DLGAP1: variants seen among roughly 807,000 people sequenced by gnomAD.
DLGAP1 encodes DLG associated protein 1, also known as disks large-associated protein 1.
Under a neutral mutation model 90.8 loss-of-function variants are expected in DLGAP1, and 11 were observed. The ratio of observed to expected loss-of-function variants is 0.12; its 90% confidence interval spans 0.08 to 0.20. The LOEUF (loss-of-function observed/expected upper bound fraction) is 0.20, where lower values mean the gene tolerates loss of function less well. Ranked by LOEUF, DLGAP1 falls within the 10% of genes least tolerant of loss-of-function variation. The pLI is 1.00. For missense variants in DLGAP1, 1,050 were observed against 1,333.8 expected (o/e 0.79, Z 3.31); for synonymous variants, 558 against 540.7 (o/e 1.03, Z -0.44).
At chr18:3,604,285 T>C (rs989324180) in intron 7 of DLGAP1, 1 of 152,268 alleles carries the variant, frequency 6.6e-6, no homozygotes, top group Non-Finnish European at 1.5e-5. Context: ...AGTGGAGTCT[T>C]GTGCCTAAGT....
intron 1 of DLGAP1, among the ~76,000 whole-genome samples, chr18:4,330,162 C>T (rs917594787): frequency 6.6e-6 from 1 of 151,980 alleles, no homozygotes; most frequent in African/African-American, 2.4e-5. Context: ...CTTAAAGATG[C>T]TCACTCATCT....
chr18:3,547,200 C>G (rs9944670), intron 9 of DLGAP1, among the ~76,000 whole-genome samples: 16,218 of 149,440 alleles, frequency 0.11, 1,130 homozygotes, highest in African/African-American at 0.2. Context: ...ACTCGGGAGG[C>G]TGAGGCAGGA....
chr18:3,879,421 G>A lies in DLGAP1; in HGVS notation c.648C>T (p.His216=). The A allele has an allele frequency of 6.2e-7, 1 of 1,610,498 alleles. No homozygotes were observed. The highest frequency in any genetic ancestry group is 8.5e-7 in the Non-Finnish European group (1 of 1,179,968). Residue 216 remains histidine, a synonymous_variant, in exon 4 of 13, where the codon CAC becomes CAT. Transcript: ENST00000315677. The surrounding 1 kb of genome is among the most constrained non-coding windows in gnomAD (Gnocchi z 6.6). ...DNLDGDMCIY[H]APSGVMTMGR... ...CCATGGTCATCACGCCCGAGGGGGC[G>A]TGGTAGATGCACATGTCACCATCCA...
chr18:3,652,440 A>G (rs2059348447), intron 7 of DLGAP1, among the ~76,000 whole-genome samples: 2 of 152,146 alleles, frequency 1.3e-5, no homozygotes, highest in Non-Finnish European at 2.9e-5. Context: ...TGGTCCTGCC[A>G]CTTCAGACTC....
chr18:3,523,667 G>C (rs1327121504), intron 10 of DLGAP1, among the ~76,000 whole-genome samples: 2 of 152,016 alleles, frequency 1.3e-5, no homozygotes, highest in African/African-American at 4.8e-5. Flanking sequence ...CTAACACGGT[G>C]AAACCCCGTC....
At chr18:4,120,001 G>A (rs2076127433) in intron 2 of DLGAP1, among the ~76,000 whole-genome samples, 1 of 152,176 alleles carries the variant, frequency 6.6e-6, no homozygotes, top group South Asian at 2.1e-4. Context: ...CCTTTTAACA[G>A]CAGAGGGGGC....
At chr18:4,260,909 T>C (rs898693489) in intron 1 of DLGAP1, among the ~76,000 whole-genome samples, 12 of 152,194 alleles carry the variant, frequency 7.9e-5, no homozygotes, top group African/African-American at 2.9e-4. Context: ...AAGTAGGACA[T>C]CTCACAAAAC....
At chr18:3,883,112 C>T (rs1376363416) in intron 3 of DLGAP1, among the ~76,000 whole-genome samples, 2 of 152,092 alleles carry the variant, frequency 1.3e-5, no homozygotes, top group Non-Finnish European at 2.9e-5. Flanking sequence ...GGCATGGTGG[C>T]GGGAGCCTGT....
At chr18:3,796,061 T>C (rs2065976467) in intron 5 of DLGAP1, among the ~76,000 whole-genome samples, 1 of 152,176 alleles carries the variant, frequency 6.6e-6, no homozygotes, top group Non-Finnish European at 1.5e-5. Flanking sequence ...TGCCAATTAG[T>C]AGCCAGGTTT....
chr18:3,768,301 T>C (rs2064351410), intron 5 of DLGAP1, among the ~76,000 whole-genome samples: 1 of 152,132 alleles, frequency 6.6e-6, no homozygotes, highest in Non-Finnish European at 1.5e-5. Flanking sequence ...AAATCAAAGA[T>C]GATTTTAATA....
intron 2 of DLGAP1, among the ~76,000 whole-genome samples, chr18:4,132,721 C>T (rs999496455): frequency 6.6e-6 from 1 of 152,060 alleles, no homozygotes; most frequent in African/African-American, 2.4e-5. Context: ...TCTAAAGTAT[C>T]GTATTCAAAA....
chr18:4,358,203 GCAAA>G (rs1369361059), intron 1 of DLGAP1, among the ~76,000 whole-genome samples: 2 of 152,140 alleles, frequency 1.3e-5, no homozygotes, highest in Admixed American at 1.3e-4. Flanking sequence ...TAATATACAT[GCAAA>G]CAAACAGATA....
intron 3 of DLGAP1, among the ~76,000 whole-genome samples, chr18:3,962,784 GT>G (rs2148987377): frequency 6.6e-6 from 1 of 152,296 alleles, no homozygotes; most frequent in East Asian, 1.9e-4. Flanking sequence ...TTTAAAAAGA[GT>G]GGCTTGGTCT....
intron 1 of DLGAP1, among the ~76,000 whole-genome samples, chr18:4,291,555 T>C (rs912565452): frequency 2.6e-5 from 4 of 152,176 alleles, no homozygotes; most frequent in African/African-American, 4.8e-5. Flanking sequence ...TATACATACA[T>C]ACATACATAC....
chr18:3,855,409 G>A (rs1020737591), intron 4 of DLGAP1, among the ~76,000 whole-genome samples: 2 of 151,962 alleles, frequency 1.3e-5, no homozygotes, highest in African/African-American at 2.4e-5. Flanking sequence ...TAATAAACCT[G>A]CACATGTACC....
At chr18:3,848,707 C>T (rs924941794) in intron 4 of DLGAP1, among the ~76,000 whole-genome samples, 1 of 152,134 alleles carries the variant, frequency 6.6e-6, no homozygotes, top group East Asian at 1.9e-4. Context: ...TGCCATATCA[C>T]CAAGAGATAT....
At chr18:3,919,803 A>G (rs2072226260) in intron 3 of DLGAP1, among the ~76,000 whole-genome samples, 1 of 152,238 alleles carries the variant, frequency 6.6e-6, no homozygotes, top group Non-Finnish European at 1.5e-5. Context: ...CCAAGGCCAC[A>G]CAGCAGCTAG....
At chr18:3,958,156 G>C (rs112252465) in intron 3 of DLGAP1, among the ~76,000 whole-genome samples, 1 of 152,100 alleles carries the variant, frequency 6.6e-6, no homozygotes, top group African/African-American at 2.4e-5. Flanking sequence ...AGATCTGCCC[G>C]CCTCGGCCTC....
chr18:3,933,317 T>C (rs780544839), intron 3 of DLGAP1, among the ~76,000 whole-genome samples: 12 of 152,256 alleles, frequency 7.9e-5, no homozygotes, highest in Admixed American at 2.0e-4. Context: ...AGCAAATACA[T>C]GCAGTGGGCT....
Sources: allele counts gnomAD v4.1 joint callset (sites outside exome capture counted in the v4.1 genomes callset), GRCh38; gene constraint gnomAD v4.1.1; non-coding constraint Gnocchi (gnomAD v3.1); transcripts MANE v1.5; gene names NCBI Gene and HGNC (gene_info 2026-07-23, HGNC 2026-07-21).